Variants in SLC14A2 observed in about 807,000 individuals in gnomAD.
SLC14A2 encodes the protein solute carrier family 14 member 2.
In SLC14A2, 91 loss-of-function variants were observed where a neutral mutation model predicts 104.6. That is an observed-to-expected ratio of 0.87 (90% CI 0.73 to 1.04). The LOEUF (loss-of-function observed/expected upper bound fraction) is 1.04, where lower values mean the gene tolerates loss of function less well. SLC14A2 is among the 50% of genes least tolerant of loss of function. The pLI, the probability that SLC14A2 is intolerant of heterozygous loss-of-function variation, is 0.00. For missense variants in SLC14A2, 1,189 were observed against 1,156.0 expected, an observed-to-expected ratio of 1.03 and a Z score of -0.41; for synonymous variants, 476 against 466.4, an observed-to-expected ratio of 1.02 and a Z score of -0.27.
chr18:45,670,914 C>A (rs1341765501), intron 16 of SLC14A2, among the ~76,000 whole-genome samples: 1 of 152,216 alleles, frequency 6.6e-6, no homozygotes, highest in Non-Finnish European at 1.5e-5. Context: ...CATGCCACCT[C>A]AGCCTCCCAA....
In SLC14A2 at chr18:45,603,300, C is replaced by T. The variant is rs558392326; in HGVS notation, c.-34-21331C>T. ...TATTCTTTCTAGAAATTTGCTCTTC[C>T]TGTCTCTTGTTGGTCCATAATTGAT... On this transcript the variant is annotated intron_variant, in intron 2 of 20. Coordinates refer to the SLC14A2 transcript ENST00000586448. Among the ~76,000 whole-genome samples, 7 of 152,176 alleles carry T rather than the reference C, an allele frequency of 4.6e-5. No individual in the cohort carries two copies. The South Asian group carries it at 1.5e-3, about 32-fold the overall frequency.
chr18:45,454,944 T>C (rs909710609), intron 1 of SLC14A2, among the ~76,000 whole-genome samples: 1 of 152,242 alleles, frequency 6.6e-6, no homozygotes, highest in Non-Finnish European at 1.5e-5. Flanking sequence ...GCGTGATGCC[T>C]CCAGCTTTGA....
chr18:45,599,126 C>A (rs1000467869), intron 2 of SLC14A2, among the ~76,000 whole-genome samples: 1 of 152,118 alleles, frequency 6.6e-6, no homozygotes, highest in Non-Finnish European at 1.5e-5. Flanking sequence ...ATAAACCAAA[C>A]CCTGGAGGCA....
intron 1 of SLC14A2, among the ~76,000 whole-genome samples, chr18:45,369,495 G>A (rs2085700091): frequency 6.6e-6 from 1 of 152,134 alleles, no homozygotes; most frequent in Non-Finnish European, 1.5e-5. Context: ...GACCAAAGAT[G>A]GGTATATTAT....
intron 1 of SLC14A2, among the ~76,000 whole-genome samples, chr18:45,254,220 A>G (rs1026617463): frequency 2.0e-5 from 3 of 152,222 alleles, no homozygotes; most frequent in African/African-American, 4.8e-5. Context: ...ATAGAGCTCC[A>G]GCTCTACTAA....
the SLC14A2 span, among the ~76,000 whole-genome samples, chr18:45,169,326 G>T: frequency 6.6e-6 from 1 of 152,126 alleles, no homozygotes; most frequent in Admixed American, 6.6e-5. Context: ...ATGCTCTTTG[G>T]TGAGCCAGTT....
intron 2 of SLC14A2, among the ~76,000 whole-genome samples, chr18:45,487,962 A>C (rs980136334): frequency 6.6e-6 from 1 of 152,222 alleles, no homozygotes; most frequent in African/African-American, 2.4e-5. Flanking sequence ...AAGATGATTT[A>C]AGCAAATAAT....
chr18:45,598,194 G>A (rs1460006576), intron 2 of SLC14A2, among the ~76,000 whole-genome samples: 1 of 152,218 alleles, frequency 6.6e-6, no homozygotes, highest in Non-Finnish European at 1.5e-5. Context: ...AGCCCCGACT[G>A]TTAGCGTGTC....
At chr18:45,224,118 T>C (rs1159784471) in intron 1 of SLC14A2, among the ~76,000 whole-genome samples, 2 of 152,230 alleles carry the variant, frequency 1.3e-5, no homozygotes, top group African/African-American at 4.8e-5. Flanking sequence ...AGAGACTCTT[T>C]GAACAATTTA....
chr18:45,675,864 C>T (rs8090887), intron 18 of SLC14A2, among the ~76,000 whole-genome samples: 6,585 of 151,762 alleles, frequency 0.043, 426 homozygotes, highest in African/African-American at 0.15. Flanking sequence ...ACCTGGAACA[C>T]GTAGTCAAGC....
At position 45,232,753 on chromosome 18, in the gene SLC14A2, C is replaced by T. The variant is rs140918590; in HGVS notation, c.-125+19562C>T. Among the ~76,000 whole-genome samples the T allele has an allele frequency of 5.1e-3, 779 of 152,306 alleles. 3 individuals are homozygous for T. Among genetic ancestry groups the T allele is most frequent in the Middle Eastern group, 0.027 (8 of 294 alleles). On this transcript the variant is annotated intron_variant, in intron 1 of 20. Coordinates refer to the SLC14A2 transcript ENST00000586448. ...GGTTAAGTCACAAGGGCTTTAAGAGCTCCTCCTGTGTAGCCAGCTCAAGGC... is the reference window on the plus strand; with the variant it reads ...GGTTAAGTCACAAGGGCTTTAAGAGTTCCTCCTGTGTAGCCAGCTCAAGGC...
intron 4 of SLC14A2, among the ~76,000 whole-genome samples, chr18:45,630,753 C>A (rs1568305661): frequency 6.6e-6 from 1 of 152,208 alleles, no homozygotes; most frequent in Non-Finnish European, 1.5e-5. Context: ...AAGTGCTCCC[C>A]AGTGGTCTTC....
intron 2 of SLC14A2, among the ~76,000 whole-genome samples, chr18:45,534,089 G>C (rs1421337257): frequency 6.6e-6 from 1 of 152,202 alleles, no homozygotes; most frequent in African/African-American, 2.4e-5. Context: ...GAACAGAGAG[G>C]TATGGTAAAA....
chr18:45,574,596 T>G (rs968107618), intron 2 of SLC14A2, among the ~76,000 whole-genome samples: 1 of 152,204 alleles, frequency 6.6e-6, no homozygotes, highest in Non-Finnish European at 1.5e-5. Flanking sequence ...TCCTAACATT[T>G]GCATACCTAG....
intron 1 of SLC14A2, among the ~76,000 whole-genome samples, chr18:45,246,853 TACAAAA>T (rs377166841): frequency 9.9e-4 from 150 of 152,154 alleles, no homozygotes; most frequent in African/African-American, 2.7e-3. Flanking sequence ...CTACTAAAAA[TACAAAA>T]ACAAAAACAA....
intron 1 of SLC14A2, among the ~76,000 whole-genome samples, chr18:45,405,413 A>G (rs544809096): frequency 6.6e-6 from 1 of 152,194 alleles, no homozygotes; most frequent in Non-Finnish European, 1.5e-5. Context: ...AGCAGGAGGA[A>G]CAGAGGAACC....
intron 10 of SLC14A2, among the ~76,000 whole-genome samples, chr18:45,645,225 A>G (rs950214310): frequency 5.3e-5 from 8 of 152,154 alleles, no homozygotes; most frequent in Admixed American, 2.6e-4. Flanking sequence ...ATAGTATTCC[A>G]TGGTGTATAT....
chr18:45,561,988 C>G (rs1012118730), intron 2 of SLC14A2, among the ~76,000 whole-genome samples: 3 of 152,144 alleles, frequency 2.0e-5, no homozygotes, highest in Non-Finnish European at 2.9e-5. Context: ...GGACATTTAG[C>G]TCAGGTATAT....
chr18:45,392,096 G>A (rs573333719), intron 1 of SLC14A2, among the ~76,000 whole-genome samples: 21 of 152,306 alleles, frequency 1.4e-4, no homozygotes, highest in Admixed American at 8.5e-4. Flanking sequence ...CCTGGGACAC[G>A]CAGAAAGTAG....
Sources: allele counts gnomAD v4.1 joint callset (sites outside exome capture counted in the v4.1 genomes callset), GRCh38; gene constraint gnomAD v4.1.1; transcripts MANE v1.5; gene names NCBI Gene and HGNC (gene_info 2026-07-23, HGNC 2026-07-21).